The following TJP2 variants were observed in gnomAD, a reference collection of about 807,000 sequenced individuals.
TJP2 encodes the protein tight junction protein 2, also known as Friedreich ataxia region gene X104 (tight junction protein ZO-2).
Under a neutral mutation model 133.1 loss-of-function variants are expected in TJP2, and 91 were observed. That is an observed-to-expected ratio of 0.68 (90% CI 0.58 to 0.81). The LOEUF (loss-of-function observed/expected upper bound fraction) is 0.81, where lower values mean the gene tolerates loss of function less well. TJP2 is among the 40% of genes least tolerant of loss of function. TJP2 has a pLI of 0.00. For synonymous variants in TJP2, 592 were observed against 583.4 expected (o/e 1.01, Z -0.21); for missense variants, 1,541 against 1,565.6 (o/e 0.98, Z 0.26).
chr9:69,141,265 C>T (rs1227069490), intron 1 of TJP2, among the ~76,000 whole-genome samples: 3 of 152,180 alleles, frequency 2.0e-5, no homozygotes, highest in Admixed American at 2.0e-4. Context: ...TTGGCTTGAA[C>T]TATTCAGTAG....
intron 11 of TJP2, 36 bp downstream of exon 11, chr9:69,230,268 T>TG: frequency 6.2e-7 from 1 of 1,613,282 alleles, no homozygotes; most frequent in Non-Finnish European, 8.5e-7. Flanking sequence ...AGAAGTTACT[T>TG]GTAAGGAGTG....
In TJP2 at chr9:69,254,571, GT is replaced by G; in HGVS notation, c.*199del. On this transcript the variant is annotated 3_prime_UTR_variant, in exon 23 of 23. Transcript: ENST00000377245. ...CTGAGGGCTCTGTTTGTGGGACTGG[GT>G]TAGAGGAGTCTGTGGCTTTTTGTTC... The G allele has an allele frequency of 1.5e-6, 1 of 673,540 alleles. No homozygotes were observed. Among genetic ancestry groups the G allele is most frequent in the Non-Finnish European group, 2.6e-6 (1 of 385,566 alleles). 41.7% of individuals were successfully genotyped at this position (673,540 alleles called of 1,614,324 possible).
At chr9:69,173,268 G>A (rs1342427138), upstream of TJP2, among the ~76,000 whole-genome samples, 1 of 152,100 alleles carries the variant, frequency 6.6e-6, no homozygotes, top group Non-Finnish European at 1.5e-5. Flanking sequence ...CTTACAAGAT[G>A]GTTTTTTAAG....
intron 2 of TJP2, among the ~76,000 whole-genome samples, chr9:69,167,907 G>A (rs1587951640): frequency 6.6e-6 from 1 of 151,590 alleles, no homozygotes; most frequent in Non-Finnish European, 1.5e-5. Context: ...ATGTCTGCGT[G>A]AAAATTTGTT....
intron 1 of TJP2, among the ~76,000 whole-genome samples, chr9:69,177,651 GT>G (rs963144473): frequency 6.7e-5 from 10 of 149,062 alleles, no homozygotes; most frequent in South Asian, 2.1e-4. Context: ...TGTTTTTTTG[GT>G]TTTTTTTTTG....
intron 2 of TJP2, among the ~76,000 whole-genome samples, chr9:69,162,675 T>C (rs1166905379): frequency 6.6e-6 from 1 of 152,200 alleles, no homozygotes; most frequent in African/African-American, 2.4e-5. Flanking sequence ...TATGTAGAAA[T>C]AGGTTGCAAA....
chr9:69,167,072 A>G (rs1824397871), intron 2 of TJP2, among the ~76,000 whole-genome samples: 1 of 151,298 alleles, frequency 6.6e-6, no homozygotes, highest in Non-Finnish European at 1.5e-5. Flanking sequence ...GTCTCTACGA[A>G]AAAAAAAACC....
At chr9:69,225,530 C>A in intron 6 of TJP2, 123 bp downstream of exon 6, 1 of 719,988 alleles carries the variant, frequency 1.4e-6, no homozygotes, top group South Asian at 1.5e-5. Context: ...ACAGAGGTGG[C>A]AAGAGCAGCA....
chr9:69,150,801 T>C (rs1467904802), intron 1 of TJP2, among the ~76,000 whole-genome samples: 3 of 152,168 alleles, frequency 2.0e-5, no homozygotes, highest in African/African-American at 7.2e-5. Context: ...TGAAAACATA[T>C]GTCCACATAA....
At chr9:69,130,640 G>T (rs577497787) in intron 1 of TJP2, among the ~76,000 whole-genome samples, 1 of 152,276 alleles carries the variant, frequency 6.6e-6, no homozygotes, top group Non-Finnish European at 1.5e-5. Context: ...AAGGGGCCGG[G>T]CTTGAGGCTG....
chr9:69,208,888 T>A (rs1403687485), intron 1 of TJP2, among the ~76,000 whole-genome samples: 1 of 152,164 alleles, frequency 6.6e-6, no homozygotes, highest in African/African-American at 2.4e-5. Context: ...TATATTTATT[T>A]TACCACAACT....
intron 16 of TJP2, among the ~76,000 whole-genome samples, chr9:69,239,317 A>AT (rs544336693): frequency 0.013 from 2,008 of 151,368 alleles, 22 homozygotes; most frequent in Middle Eastern, 0.031. Flanking sequence ...ATCTCAAAAA[A>AT]ATATATATAT....
chr9:69,253,658 G>A, intron 22 of TJP2: 1 of 182,386 alleles, frequency 5.5e-6, no homozygotes, highest in Non-Finnish European at 1.2e-5. Context: ...TCACCATGTT[G>A]GCCAGGCTGG....
chr9:69,242,505 G>A (rs1294405293), intron 17 of TJP2, among the ~76,000 whole-genome samples: 1 of 152,218 alleles, frequency 6.6e-6, no homozygotes, highest in Non-Finnish European at 1.5e-5. Context: ...TGGAATGGAA[G>A]CACACACTGT....
At position 69,218,290 on chromosome 9, in the gene TJP2, C is replaced by G. The variant is rs183412157; in HGVS notation, c.273C>G (p.Thr91=). 1.9e-6 allele frequency: 3 copies of G among 1,614,030 alleles called. No individual in the cohort carries two copies. The highest frequency in any genetic ancestry group is 1.1e-5 in the South Asian group (1 of 91,066). The change falls in exon 4 of 23, where the codon ACC becomes ACG. Residue 91 remains threonine (T), a synonymous_variant. Coordinates refer to ENST00000377245, the MANE Select transcript of TJP2 (RefSeq NM_004817.4). Reference sequence around the variant, plus strand: ...ACAGAGTGGTCATGGTCAATGGCACCCCCATGGAGGATGTGCTTCATTCGT... The same window carrying G: ...ACAGAGTGGTCATGGTCAATGGCACGCCCATGGAGGATGTGCTTCATTCGT... ...ENDRVVMVNG[T]PMEDVLHSFA...
At chr9:69,207,541 G>A (rs1306327720) in intron 1 of TJP2, among the ~76,000 whole-genome samples, 3 of 152,162 alleles carry the variant, frequency 2.0e-5, no homozygotes, top group African/African-American at 7.2e-5. Flanking sequence ...TGTGCATTTA[G>A]TCACACGGTT....
At chr9:69,136,677 T>G (rs919935182) in intron 1 of TJP2, among the ~76,000 whole-genome samples, 1 of 152,176 alleles carries the variant, frequency 6.6e-6, no homozygotes, top group Non-Finnish European at 1.5e-5. Context: ...AGGAGGAAAC[T>G]ACATCCATTT....
chr9:69,145,680 G>A (rs1823183113), intron 1 of TJP2: 1 of 1,214,744 alleles, frequency 8.2e-7, no homozygotes, highest in Admixed American at 4.2e-5. Flanking sequence ...GAAATTTACA[G>A]GACCTTGTAC....
intron 5 of TJP2, among the ~76,000 whole-genome samples, chr9:69,222,508 T>G (rs1053318629): frequency 4.6e-5 from 7 of 152,136 alleles, no homozygotes; most frequent in African/African-American, 1.7e-4. Context: ...GTACCCAGCA[T>G]TGACCTAAAT....
Sources: allele counts gnomAD v4.1 joint callset (sites outside exome capture counted in the v4.1 genomes callset), GRCh38; gene constraint gnomAD v4.1.1; transcripts MANE v1.5; gene names NCBI Gene and HGNC (gene_info 2026-07-23, HGNC 2026-07-21).